Variants in ST6GAL2 observed in about 807,000 individuals in gnomAD.
The protein encoded by ST6GAL2 is beta-galactoside alpha-2,6-sialyltransferase 2.
A neutral mutation model predicts 37.5 loss-of-function variants in ST6GAL2; 24 were observed. The observed-to-expected ratio is 0.64, with a 90% confidence interval of 0.46 to 0.90. ST6GAL2 has a LOEUF of 0.90. ST6GAL2 is among the 40% of genes least tolerant of loss of function. The pLI is 0.00. For missense variants in ST6GAL2, 715 were observed against 712.7 expected (o/e 1.00, Z -0.04); for synonymous variants, 306 against 295.1 (o/e 1.04, Z -0.38).
At chr2:106,807,690 G>A (rs574088873) in intron 5 of ST6GAL2, among the ~76,000 whole-genome samples, 15 of 147,792 alleles carry the variant, frequency 1.0e-4, no homozygotes, top group Admixed American at 8.2e-4. Context: ...GTGCAGTGGC[G>A]CGATCTCACT....
Position 106,843,753 on chromosome 2 carries a change from G to A in ST6GAL2, c.225C>T (p.Asp75=). ...AHEPSPPGGL[D]ARQALPRAHP... ...GGGCGCGGGGCAGCGCCTGGCGTGC[G>A]TCCAGGCCCCCAGGCGGGGAGGGCT... is the stretch of plus-strand genomic sequence containing the variant. The change falls in exon 2 of 6, where the codon GAC becomes GAT. Residue 75 remains aspartate, a synonymous_variant. Transcript: ENST00000409382. 1 of 1,610,542 alleles carries A rather than the reference G, an allele frequency of 6.2e-7. No homozygotes were observed. The highest frequency in any genetic ancestry group is 8.5e-7 in the Non-Finnish European group (1 of 1,178,366).
At position 106,830,074 on chromosome 2, in the gene ST6GAL2, C is replaced by T. The variant is rs992026369; in HGVS notation, c.1310G>A (p.Gly437Asp). ...EKIQPNPPSS[G>D]FIGILIMMSM... Reference sequence around the variant, plus strand: ...TTTAACATAACACCTACCAATGAAACCAGAAGATGGTGGGTTTGGTTGAAT... The same window carrying T: ...TTTAACATAACACCTACCAATGAAATCAGAAGATGGTGGGTTTGGTTGAAT... The change falls in exon 5 of 6, where the codon GGT (glycine) becomes GAT (aspartate). Residue 437 changes from glycine to aspartate, a missense_variant. By Grantham distance (94) the Gly-to-Asp change is moderately conservative. Transcript: ENST00000409382. The T allele has an allele frequency of 1.2e-6, 2 of 1,613,788 alleles. No individual in the cohort carries two copies. The highest frequency in any genetic ancestry group is 2.7e-5 in the African/African-American group (2 of 74,880).
chr2:106,839,059 C>CA lies in ST6GAL2; in HGVS notation c.943+3975dup, dbSNP rs370175315. On this transcript the variant is annotated intron_variant, in intron 2 of 5. Transcript: ENST00000409382. The stretch of plus-strand genomic sequence containing the variant: ...TCAAAAAAGCAAAAAAACAAACAAA[C>CA]AAAAAAAACAAGAGCATTTTGAACA... Among the ~76,000 whole-genome samples the CA allele has an allele frequency of 2.8e-3, 385 of 136,290 alleles. 3 individuals carry two copies. The highest frequency in any genetic ancestry group is 0.012 in the African/African-American group (356 of 28,756). The allele number at this position is 136,290 out of a possible 152,430, so 89.4% of individuals were successfully genotyped here. A position where few individuals can be genotyped will look rare whatever the true frequency, so the allele number is the denominator to read the frequency against.
Position 106,856,175 on chromosome 2 carries a change from G to A in ST6GAL2, c.-57-12141C>T, listed in dbSNP as rs115277291. Among the ~76,000 whole-genome samples the A allele has an allele frequency of 3.9e-3, 595 of 152,280 alleles. 3 individuals carry two copies. The highest frequency in any genetic ancestry group is 0.013 in the African/African-American group (548 of 41,570). On this transcript the variant is annotated intron_variant, in intron 1 of 5. Coordinates refer to ENST00000409382, the MANE Select transcript of ST6GAL2 (RefSeq NM_001142351.2). The stretch of plus-strand genomic sequence containing the variant: ...TATAACTCCCATAAACAATAGATAC[G>A]TAAAAATCCCAGCTCTGCTGTGTGC...
rs116358685 is a variant in ST6GAL2, at chr2:106,878,048, T to C, written c.-58+8045A>G. On this transcript the variant is annotated intron_variant, in intron 1 of 5. Transcript: ENST00000409382. ...CACACAGTAATTCCCAAACCAAATC[T>C]GTACGCCCGTCACAGTTAACCCTCT... is the stretch of plus-strand genomic sequence containing the variant. 7.1e-3 allele frequency among the ~76,000 whole-genome samples: 1,087 copies of C among 152,344 alleles called. 15 individuals carry two copies. The highest frequency in any genetic ancestry group is 0.024 in the African/African-American group (1,004 of 41,568).
intron 1 of ST6GAL2, among the ~76,000 whole-genome samples, chr2:106,850,141 T>G (rs916953850): frequency 6.6e-6 from 1 of 152,142 alleles, no homozygotes; most frequent in Non-Finnish European, 1.5e-5. Flanking sequence ...ACGCCTAGTT[T>G]CTACCCAGAA....
Position 106,837,996 on chromosome 2 carries a change from G to A in ST6GAL2, c.944-3850C>T, listed in dbSNP as rs143788601. 1.7e-3 allele frequency among the ~76,000 whole-genome samples: 265 copies of A among 152,306 alleles called. 3 individuals are homozygous for A. The highest frequency in any genetic ancestry group is 6.1e-3 in the African/African-American group (255 of 41,580). ...TGCAAGCCCTCTATGAACAGCCACTGTGAGCAGCGTGGGGTTGGGATGGAA... is the reference window on the plus strand; with the variant it reads ...TGCAAGCCCTCTATGAACAGCCACTATGAGCAGCGTGGGGTTGGGATGGAA... On this transcript the variant is annotated intron_variant, in intron 2 of 5. Transcript: ENST00000409382.
chr2:106,834,918 G>A (rs1274456960), intron 2 of ST6GAL2: 2 of 152,134 alleles, frequency 1.3e-5, no homozygotes, highest in African/African-American at 2.4e-5. Context: ...CGTTCAACTT[G>A]ACAGCCCGAC....
At chr2:106,809,233 A>G (rs1675525196) in intron 5 of ST6GAL2, among the ~76,000 whole-genome samples, 1 of 152,246 alleles carries the variant, frequency 6.6e-6, no homozygotes, top group Non-Finnish European at 1.5e-5. Context: ...TGCACAAGGA[A>G]TCACGCTGAA....
intron 1 of ST6GAL2, among the ~76,000 whole-genome samples, chr2:106,869,898 C>T (rs6705893): frequency 0.017 from 2,641 of 152,300 alleles, 71 homozygotes; most frequent in African/African-American, 0.061. Flanking sequence ...GCCCACAAGG[C>T]ACCTGACCTT....
At chr2:106,859,344 A>G (rs1037633091) in intron 1 of ST6GAL2, among the ~76,000 whole-genome samples, 3 of 152,126 alleles carry the variant, frequency 2.0e-5, no homozygotes, top group Non-Finnish European at 4.4e-5. Flanking sequence ...CATAGTTATA[A>G]TTGTGCTGTG....
chr2:106,865,612 T>C (rs1259978893), intron 1 of ST6GAL2, among the ~76,000 whole-genome samples: 1 of 152,184 alleles, frequency 6.6e-6, no homozygotes, highest in Non-Finnish European at 1.5e-5. Flanking sequence ...CGAACATTTA[T>C]TTATGTGGCT....
intron 5 of ST6GAL2, 124 bp from the exon 6 acceptor site, chr2:106,807,073 T>C (rs1000444350): frequency 7.8e-6 from 6 of 771,618 alleles, no homozygotes; most frequent in Non-Finnish European, 1.0e-5. Flanking sequence ...TTTTTGTTGT[T>C]GTTGCATTTG....
Position 106,806,526 on chromosome 2 carries a change from G to T in ST6GAL2, c.*152C>A. On this transcript the variant is annotated 3_prime_UTR_variant, in exon 6 of 6. Coordinates refer to ENST00000409382, the MANE Select transcript of ST6GAL2 (RefSeq NM_001142351.2). ...TTCAAAGCAGTAATACATACTCAAT[G>T]GCTTAGAAAGAGAAGGATTATCATG... is the stretch of plus-strand genomic sequence containing the variant. The T allele has an allele frequency of 1.1e-6, 1 of 873,374 alleles. No individual in the cohort carries two copies. Among genetic ancestry groups the T allele is most frequent in the Non-Finnish European group, 1.7e-6 (1 of 573,528 alleles). 54.1% of individuals were successfully genotyped at this position (873,374 alleles called of 1,614,324 possible).
Position 106,803,649 on chromosome 2 carries a change from AAC to A in ST6GAL2, c.*3027_*3028del, listed in dbSNP as rs1675328175. ...CAACAACAACAACAACAACAACAAC[AAC>A]AACAACAGGTGAAATTATCTTGAAA... On this transcript the variant is annotated 3_prime_UTR_variant, in exon 6 of 6. Coordinates refer to ENST00000409382, the MANE Select transcript of ST6GAL2 (RefSeq NM_001142351.2). 2 of 152,012 alleles carry A rather than the reference AAC, an allele frequency of 1.3e-5. No individual in the cohort carries two copies. Among genetic ancestry groups the A allele is most frequent in the African/African-American group, 4.8e-5 (2 of 41,460 alleles). The allele number at this position is 152,012 out of a possible 1,614,324, so 9.4% of individuals were successfully genotyped here.
chr2:106,811,770 T>G (rs1304589751), intron 5 of ST6GAL2, among the ~76,000 whole-genome samples: 3 of 152,130 alleles, frequency 2.0e-5, no homozygotes, highest in African/African-American at 7.2e-5. Context: ...TAAGGTCCTG[T>G]GTCAGTTCCC....
intron 1 of ST6GAL2, among the ~76,000 whole-genome samples, chr2:106,851,240 C>G (rs531225236): frequency 6.6e-6 from 1 of 152,210 alleles, no homozygotes; most frequent in African/African-American, 2.4e-5. Flanking sequence ...CTCTAGGGAA[C>G]TTCTATTTTT....
At chr2:106,826,974 G>A (rs1363714267) in intron 5 of ST6GAL2, among the ~76,000 whole-genome samples, 1 of 152,164 alleles carries the variant, frequency 6.6e-6, no homozygotes, top group Non-Finnish European at 1.5e-5. Context: ...TTGCGATGGT[G>A]ACCGTCCTGC....
Position 106,806,884 on chromosome 2 carries a change from G to T in ST6GAL2, c.1384C>A (p.Gln462Lys). 6.2e-7 allele frequency: 1 copy of T among 1,614,178 alleles called. No homozygotes were observed. The highest frequency in any genetic ancestry group is 8.5e-7 in the Non-Finnish European group (1 of 1,180,034). ...TCGTGGTAGTGGCACAGCTCCGTCT[G>T]CCGCACGGATGGGATATATTCATAC... ...HVYEYIPSVR[Q>K]TELCHYHELY... The change falls in exon 6 of 6, where the codon CAG (glutamine) becomes AAG (lysine). Residue 462 changes from glutamine to lysine, a missense_variant. Around this residue, in one of 3 missense-constraint regions of ST6GAL2, gnomAD observed 198 missense variants for 203.6 expected, o/e 0.97. Coordinates refer to ENST00000409382, the MANE Select transcript of ST6GAL2 (RefSeq NM_001142351.2).
Sources: allele counts gnomAD v4.1 joint callset (sites outside exome capture counted in the v4.1 genomes callset), GRCh38; gene constraint gnomAD v4.1.1; regional missense constraint gnomAD v4.1.1; transcripts MANE v1.5; gene names NCBI Gene and HGNC (gene_info 2026-07-23, HGNC 2026-07-21).